TMEM74B: variants seen among roughly 807,000 people sequenced by gnomAD.
TMEM74B encodes the protein transmembrane protein C20orf46.
TMEM74B carries 7 observed loss-of-function variants against 6.5 expected under a neutral mutation model. The observed-to-expected ratio is 1.07, with a 90% CI of 0.61 to 2.01. The LOEUF (loss-of-function observed/expected upper bound fraction) is 2.01. Among genes scored for constraint, TMEM74B ranks in the 30% most tolerant of loss-of-function variants. The probability of loss-of-function intolerance (pLI) is 0.00; values close to 1 mark genes in which losing one functional copy is unlikely to be tolerated. For synonymous variants in TMEM74B, 151 were observed against 151.6 expected, an observed-to-expected ratio of 1.00 and a Z score of 0.03; for missense variants, 342 against 337.0, an observed-to-expected ratio of 1.01 and a Z score of -0.12.
Position 1,184,972 on chromosome 20 carries a change from C to T in TMEM74B, c.-818G>A, listed in dbSNP as rs1053423491. Reference sequence around the variant, plus strand: ...CCTGCCCTTGCCCACAGACGCGGGACCCGGAAGGCCGAACCGGACCAGGCG... The same window carrying T: ...CCTGCCCTTGCCCACAGACGCGGGATCCGGAAGGCCGAACCGGACCAGGCG... On this transcript the variant is annotated 5_prime_UTR_variant, in exon 1 of 3. Coordinates refer to ENST00000429036, the MANE Select transcript of TMEM74B (RefSeq NM_001304748.2). This position sits in a 1 kb window ranked among gnomAD's most constrained non-coding sequence, Gnocchi z 6.0. 6.6e-6 allele frequency among the ~76,000 whole-genome samples: 1 copy of T among 152,202 alleles called. No homozygotes were observed. Among genetic ancestry groups the T allele is most frequent in the African/African-American group, 2.4e-5 (1 of 41,458 alleles).
intron 2 of TMEM74B, among the ~76,000 whole-genome samples, chr20:1,183,163 ACAGAGACCACCAGGTG>A (rs1302762769): frequency 2.6e-5 from 4 of 152,252 alleles, no homozygotes; most frequent in African/African-American, 4.8e-5. Flanking sequence ...GCCATGGGCT[ACAGAGACCACCAGGTG>A]CAGAGTGGCT....
At chr20:1,182,500 G>A (rs928210643) in intron 2 of TMEM74B, among the ~76,000 whole-genome samples, 3 of 148,572 alleles carry the variant, frequency 2.0e-5, no homozygotes, top group Admixed American at 6.7e-5. Flanking sequence ...TGGAGGATGG[G>A]GGTCCAGCAA....
At chr20:1,182,978 C>A (rs960542795) in intron 2 of TMEM74B, among the ~76,000 whole-genome samples, 1 of 152,198 alleles carries the variant, frequency 6.6e-6, no homozygotes, top group African/African-American at 2.4e-5. Context: ...TTGTAACACT[C>A]GCCTGGAGTT....
chr20:1,181,376 C>T lies in TMEM74B; in HGVS notation c.243G>A (p.Leu81=). ...CCCCAGGGGGACTGGGTGAGCTGCC[C>T]AGTCTCGTGTTCCCAGGGTTCTGGA... is the stretch of plus-strand genomic sequence containing the variant. ...THFQNPGNTR[L]GSSPSPPGGV... Residue 81 remains leucine, a synonymous_variant, in exon 3 of 3, where the codon CTG becomes CTA. Coordinates refer to ENST00000429036, the MANE Select transcript of TMEM74B (RefSeq NM_001304748.2). This position sits in a 1 kb window ranked among gnomAD's most constrained non-coding sequence, Gnocchi z 4.9. The T allele has an allele frequency of 6.5e-7, 1 of 1,545,076 alleles. No individual in the cohort carries two copies. Among genetic ancestry groups the T allele is most frequent in the South Asian group, 1.2e-5 (1 of 80,182 alleles).
Position 1,181,675 on chromosome 20 carries a change from G to C in TMEM74B, c.32-88C>G. 7.3e-7 allele frequency: 1 copy of C among 1,363,594 alleles called. No homozygotes were observed. Among genetic ancestry groups the C allele is most frequent in the Non-Finnish European group, 9.5e-7 (1 of 1,056,626 alleles). The allele number at this position is 1,363,594 out of a possible 1,614,324, so 84.5% of individuals were successfully genotyped here. On this transcript the variant is annotated intron_variant, in intron 2 of 2. Coordinates refer to ENST00000429036, the MANE Select transcript of TMEM74B (RefSeq NM_001304748.2). This position sits in a 1 kb window ranked among gnomAD's most constrained non-coding sequence, Gnocchi z 4.9. ...TACCAGTCCCTAAGCACATGAAGGT[G>C]AGTCAGGCACAATTCCCACTTGGGG...
chr20:1,180,784 G>A lies in TMEM74B; in HGVS notation c.*64C>T. 6.6e-7 allele frequency: 1 copy of A among 1,513,690 alleles called. No individual in the cohort carries two copies. The highest frequency in any genetic ancestry group is 2.2e-5 in the Admixed American group (1 of 45,272). The allele number at this position is 1,513,690 out of a possible 1,614,324, so 93.8% of individuals were successfully genotyped here. A position where few individuals can be genotyped will look rare whatever the true frequency, so the allele number is the denominator to read the frequency against. ...CAGGGCCTTGGCAGGGGTCAGGTGG[G>A]CGGGAGCAGGGGGTGGACCTTGTAG... is the stretch of plus-strand genomic sequence containing the variant. On this transcript the variant is annotated 3_prime_UTR_variant, in exon 3 of 3. Transcript: ENST00000429036. The surrounding 1 kb of genome is among the most constrained non-coding windows in gnomAD (Gnocchi z 6.1).
chr20:1,187,574 C>T (rs997646459), upstream of TMEM74B, among the ~76,000 whole-genome samples: 1 of 152,198 alleles, frequency 6.6e-6, no homozygotes, highest in Non-Finnish European at 1.5e-5. Flanking sequence ...AACAAGGGTG[C>T]CAACCTAGTC....
chr20:1,187,514 T>A (rs114233641), upstream of TMEM74B, among the ~76,000 whole-genome samples: 454 of 152,348 alleles, frequency 3.0e-3, 1 homozygote, highest in African/African-American at 0.011. Flanking sequence ...AAATGTAACA[T>A]TGCAGTTATA....
Position 1,183,868 on chromosome 20 carries a change from A to G in TMEM74B, c.-67T>C. The G allele has an allele frequency of 6.3e-7, 1 of 1,596,344 alleles. No homozygotes were observed. The highest frequency in any genetic ancestry group is 1.7e-5 in the Admixed American group (1 of 59,066). On this transcript the variant is annotated 5_prime_UTR_variant, in exon 2 of 3. Coordinates refer to ENST00000429036, the MANE Select transcript of TMEM74B (RefSeq NM_001304748.2). ...GACTCTTCATTTTATCCAGCTGTTTATCAGCAACCGTGAGCACCTTGAGAG... is the reference window on the plus strand; with the variant it reads ...GACTCTTCATTTTATCCAGCTGTTTGTCAGCAACCGTGAGCACCTTGAGAG...
chr20:1,182,182 G>A (rs534563700), intron 2 of TMEM74B, among the ~76,000 whole-genome samples: 8 of 150,314 alleles, frequency 5.3e-5, no homozygotes, highest in African/African-American at 9.8e-5. Flanking sequence ...GAAGGATGAC[G>A]GAGGGGTGGG....
rs752285190 is a variant in TMEM74B at position 1,181,044 on chromosome 20, G to A, written c.575C>T (p.Ser192Leu). The A allele has an allele frequency of 5.6e-6, 9 of 1,613,134 alleles. No individual in the cohort carries two copies. The highest frequency in any genetic ancestry group is 3.3e-5 in the South Asian group (3 of 90,992). The change falls in exon 3 of 3, where the codon TCG becomes TTG. Residue 192 changes from serine to leucine, a missense_variant. Coordinates refer to ENST00000429036, the MANE Select transcript of TMEM74B (RefSeq NM_001304748.2). This position sits in a 1 kb window ranked among gnomAD's most constrained non-coding sequence, Gnocchi z 4.9. ...GCACAGGGAGACCATGAGCAGCACC[G>A]ACAAGAGCATGCCGCCCACCGTGAG... ...GLLTVGGMLLSVLLMVSLCKG... is the reference protein window; with the variant it reads ...GLLTVGGMLLLVLLMVSLCKG...
rs758217180 is a variant in TMEM74B at position 1,181,470 on chromosome 20, C to T, written c.149G>A (p.Gly50Asp). Residue 50 changes from glycine (G) to aspartate (D), a missense_variant, in exon 3 of 3, where the codon GGC becomes GAC. Coordinates refer to ENST00000429036, the MANE Select transcript of TMEM74B (RefSeq NM_001304748.2). This position sits in a 1 kb window ranked among gnomAD's most constrained non-coding sequence, Gnocchi z 4.9. ...PQAPRRSAPL[G>D]PVAPTREGVE... ...ACCCTCCCTGGTTGGGGCCACTGGG[C>T]CCAGGGGAGCTGATCTCCTTGGGGC... The T allele has an allele frequency of 1.3e-6, 2 of 1,513,550 alleles. No homozygotes were observed. Among genetic ancestry groups the T allele is most frequent in the Non-Finnish European group, 8.8e-7 (1 of 1,132,270 alleles). 93.8% of individuals were successfully genotyped at this position (1,513,550 alleles called of 1,614,324 possible).
intron 2 of TMEM74B, among the ~76,000 whole-genome samples, chr20:1,183,200 G>A (rs75785527): frequency 0.045 from 6,795 of 152,206 alleles, 168 homozygotes; most frequent in Middle Eastern, 0.12. Flanking sequence ...CACATGCTCC[G>A]GTGTGTCTAC....
chr20:1,181,046 C>G lies in TMEM74B; in HGVS notation c.573G>C (p.Leu191Phe). 1 of 1,613,374 alleles carries G rather than the reference C, an allele frequency of 6.2e-7. No homozygotes were observed. The highest frequency in any genetic ancestry group is 8.5e-7 in the Non-Finnish European group (1 of 1,179,760). ...LGLLTVGGMLLSVLLMVSLCK... is the reference protein window; with the variant it reads ...LGLLTVGGMLFSVLLMVSLCK... The stretch of plus-strand genomic sequence containing the variant: ...ACAGGGAGACCATGAGCAGCACCGA[C>G]AAGAGCATGCCGCCCACCGTGAGCA... The change falls in exon 3 of 3, where the codon TTG becomes TTC. Residue 191 changes from leucine (L) to phenylalanine (F), a missense_variant. By Grantham distance (22) the Leu-to-Phe change is conservative (BLOSUM62 0). Coordinates refer to ENST00000429036, the MANE Select transcript of TMEM74B (RefSeq NM_001304748.2). This position sits in a 1 kb window ranked among gnomAD's most constrained non-coding sequence, Gnocchi z 4.9.
chr20:1,181,249 CAA>C lies in TMEM74B; in HGVS notation c.368_369del (p.Phe123CysfsTer23), dbSNP rs1568493680. The C allele has an allele frequency of 6.2e-7, 1 of 1,614,096 alleles. No homozygotes were observed. The highest frequency in any genetic ancestry group is 1.1e-5 in the South Asian group (1 of 91,044). ...CTCACCAGGAAAACGAGGGCGGAAA[CAA>C]AGCCATAATCCACCGGGCGGCTCAC... Reference protein sequence around the residue: ...EPVSRPVDYGFVSALVFLVSG... With the variant: ...EPVSRPVDYGXVSALVFLVSG... On this transcript the variant is annotated frameshift_variant, in exon 3 of 3. Coordinates refer to ENST00000429036, the MANE Select transcript of TMEM74B (RefSeq NM_001304748.2). LOFTEE classifies it high-confidence loss of function. The surrounding 1 kb of genome is among the most constrained non-coding windows in gnomAD (Gnocchi z 4.9).
rs1306280894 is a variant in TMEM74B, at chr20:1,183,830, TC to T, written c.-30del. On this transcript the variant is annotated 5_prime_UTR_variant, in exon 2 of 3. Coordinates refer to ENST00000429036, the MANE Select transcript of TMEM74B (RefSeq NM_001304748.2). ...TCCACCAGCCTTCCCTGGCTCTGCA[TC>T]CCTCACTCATAGACTCTTCATTTTA... 1 of 1,613,768 alleles carries T rather than the reference TC, an allele frequency of 6.2e-7. No homozygotes were observed.
At position 1,181,477 on chromosome 20, in the gene TMEM74B, G is replaced by A. The variant is rs900497476; in HGVS notation, c.142C>T (p.Pro48Ser). ...NGPQAPRRSA[P>S]LGPVAPTREG... ...CTGGTTGGGGCCACTGGGCCCAGGG[G>A]AGCTGATCTCCTTGGGGCTTGGGGA... is the stretch of plus-strand genomic sequence containing the variant. Residue 48 changes from proline to serine, a missense_variant, in exon 3 of 3, where the codon CCC becomes TCC. Transcript: ENST00000429036. This position sits in a 1 kb window ranked among gnomAD's most constrained non-coding sequence, Gnocchi z 4.9. The A allele has an allele frequency of 9.9e-6, 15 of 1,513,370 alleles. No homozygotes were observed. Among genetic ancestry groups the A allele is most frequent in the Middle Eastern group, 1.8e-4 (1 of 5,584 alleles). 93.7% of individuals were successfully genotyped at this position (1,513,370 alleles called of 1,614,324 possible).
rs575541152 is a variant in TMEM74B at position 1,180,735 on chromosome 20, C to T, written c.*113G>A. ...CACCCAGTACTTCTTCCACAAGGCC[C>T]TATGTGAGCTCAGTTTAAAACCCCA... is the stretch of plus-strand genomic sequence containing the variant. On this transcript the variant is annotated 3_prime_UTR_variant, in exon 3 of 3. Transcript: ENST00000429036. The surrounding 1 kb of genome is among the most constrained non-coding windows in gnomAD (Gnocchi z 6.1). 15 of 1,442,236 alleles carry T rather than the reference C, an allele frequency of 1.0e-5. No individual in the cohort carries two copies. In the African/African-American group the frequency reaches 1.3e-4, roughly 12 times the overall value. The allele number at this position is 1,442,236 out of a possible 1,614,324, so 89.3% of individuals were successfully genotyped here. A position where few individuals can be genotyped will look rare whatever the true frequency, so the allele number is the denominator to read the frequency against.
upstream of TMEM74B, among the ~76,000 whole-genome samples, chr20:1,186,695 C>G (rs2087026449): frequency 6.6e-6 from 1 of 152,182 alleles, no homozygotes; most frequent in African/African-American, 2.4e-5. Flanking sequence ...GCAGCCCTCC[C>G]CAACCAGGAG....
Sources: gnomAD v4.1 joint callset for allele counts (sites outside exome capture counted in the v4.1 genomes callset) on GRCh38, gnomAD v4.1.1 for gene constraint, Gnocchi (gnomAD v3.1) non-coding constraint, MANE v1.5 for transcripts, NCBI Gene and HGNC (gene_info 2026-07-23, HGNC 2026-07-21) for gene names.